The following RHBDD2 variants were observed in gnomAD, a reference collection of about 807,000 sequenced individuals.
RHBDD2 encodes the protein rhomboid domain-containing protein 2.
In RHBDD2, 13 loss-of-function variants were observed where a neutral mutation model predicts 21.7. That is an observed-to-expected ratio of 0.60 (90% CI 0.39 to 0.95). The LOEUF (loss-of-function observed/expected upper bound fraction) is 0.95. Ranked by LOEUF, RHBDD2 falls within the 40% of genes least tolerant of loss-of-function variation. The pLI is 0.00. For missense variants in RHBDD2, 473 were observed against 478.9 expected (o/e 0.99, Z 0.11); for synonymous variants, 225 against 220.0 (o/e 1.02, Z -0.20).
chr7:75,881,445 C>A (rs969046535), intron 1 of RHBDD2: 2 of 1,297,740 alleles, frequency 1.5e-6, no homozygotes, highest in South Asian at 2.5e-5. Context: ...CAATCCACCC[C>A]GAAGCTGTTA....
At chr7:75,881,375 A>AGG in intron 1 of RHBDD2, 3 of 1,291,906 alleles carry the variant, frequency 2.3e-6, no homozygotes, top group Non-Finnish European at 2.0e-6. Flanking sequence ...CCACTATGGA[A>AGG]GGAGGGGTCA....
chr7:75,879,205 GC>G lies in RHBDD2; in HGVS notation c.127del (p.Leu43TrpfsTer8). 1 of 1,521,036 alleles carries G rather than the reference GC, an allele frequency of 6.6e-7. No homozygotes were observed. The highest frequency in any genetic ancestry group is 8.8e-7 in the Non-Finnish European group (1 of 1,132,866). 94.2% of individuals were successfully genotyped at this position (1,521,036 alleles called of 1,614,324 possible). The stretch of plus-strand genomic sequence containing the variant: ...GGCCTCGCCTGTTCCTGCTGCAGCA[GC>G]CCCTGGCGCCCTCGGGCCTCACGCT... ...SGPRLFLLQQ[P>X]LAPSGLTLKS... On this transcript the variant is annotated frameshift_variant, in exon 1 of 4. Transcript: ENST00000006777. LOFTEE classifies it high-confidence loss of function.
intron 3 of RHBDD2, among the ~76,000 whole-genome samples, chr7:75,884,851 C>T (rs766515571): frequency 2.7e-4 from 41 of 152,140 alleles, no homozygotes; most frequent in Non-Finnish European, 5.4e-4. Context: ...CGATGGCTCA[C>T]GCCTGTAATC....
rs1471180985 is a variant in RHBDD2, at chr7:75,882,228, G to A, written c.578G>A (p.Gly193Glu). ...FLSNVCGLSI[G>E]LAYGLTYCYS... ...AGTAATGTCTGCGGGCTGTCCATCG[G>A]GCTGGCCTGTATCCTTCCTAGCAGA... Residue 193 changes from glycine to glutamate, a missense_variant, in exon 2 of 4, where the codon GGG (glycine) becomes GAG (glutamate). Gly to Glu is a moderately conservative substitution (Grantham distance 98). Transcript: ENST00000006777. The A allele has an allele frequency of 1.2e-6, 2 of 1,610,472 alleles. No homozygotes were observed. Among genetic ancestry groups the A allele is most frequent in the Non-Finnish European group, 1.7e-6 (2 of 1,177,924 alleles).
At chr7:75,883,552 C>T (rs1805457476) in intron 2 of RHBDD2, 146 bp from the exon 3 acceptor site, 3 of 678,618 alleles carry the variant, frequency 4.4e-6, no homozygotes, top group East Asian at 2.7e-5. Context: ...TCTGGGTTTC[C>T]CCTGAGCTGC....
At chr7:75,881,639 A>G (rs1805328821) in intron 1 of RHBDD2, 190 bp from the exon 2 acceptor site, 1 of 539,444 alleles carries the variant, frequency 1.9e-6, no homozygotes, top group African/African-American at 2.1e-5. Flanking sequence ...TTAGATATTC[A>G]TGCCTCTCCT....
chr7:75,883,881 C>G (rs1554543174), intron 3 of RHBDD2, 33 bp downstream of exon 3: 52 of 1,543,310 alleles, frequency 3.4e-5, no homozygotes, highest in Non-Finnish European at 4.4e-5. Context: ...GCTGTTAAAT[C>G]TTTTTTAAAA....
At chr7:75,886,720 A>G (rs567750129) in intron 3 of RHBDD2, among the ~76,000 whole-genome samples, 6 of 152,164 alleles carry the variant, frequency 3.9e-5, no homozygotes, top group Admixed American at 1.3e-4. Context: ...AGGCTGAGCC[A>G]GGAGAATGGT....
chr7:75,883,532 A>C, intron 2 of RHBDD2, 166 bp from the exon 3 acceptor site: 1 of 584,048 alleles, frequency 1.7e-6, no homozygotes, highest in African/African-American at 1.9e-5. Context: ...AAAAAAAACA[A>C]ACCTTTGGCT....
intron 1 of RHBDD2, 115 bp downstream of exon 1, chr7:75,879,375 G>A: frequency 9.7e-7 from 1 of 1,027,338 alleles, no homozygotes; most frequent in Non-Finnish European, 1.3e-6. Context: ...GTCTCCCCCT[G>A]TCTCGGTCCT....
At position 75,879,228 on chromosome 7, in the gene RHBDD2, C is replaced by A; in HGVS notation, c.146C>A (p.Thr49Lys). 2 of 1,522,272 alleles carry A rather than the reference C, an allele frequency of 1.3e-6. No individual in the cohort carries two copies. Among genetic ancestry groups the A allele is most frequent in the Non-Finnish European group, 8.8e-7 (1 of 1,133,858 alleles). 94.3% of individuals were successfully genotyped at this position (1,522,272 alleles called of 1,614,324 possible). A position where few individuals can be genotyped will look rare whatever the true frequency, so the allele number is the denominator to read the frequency against. Residue 49 changes from threonine (T) to lysine (K), a missense_variant, in exon 1 of 4, where the codon ACG becomes AAG. Physicochemically the swap from Thr to Lys is moderately conservative, Grantham distance 78. Coordinates refer to ENST00000006777, the MANE Select transcript of RHBDD2 (RefSeq NM_001040456.3). ...LQQPLAPSGL[T>K]LKSEALRNWQ... ...CAGCCCCTGGCGCCCTCGGGCCTCA[C>A]GCTGAAGTCCGAGGCCCTTCGCAAC...
Position 75,883,777 on chromosome 7 carries a change from G to C in RHBDD2, c.666G>C (p.Leu222=). The C allele has an allele frequency of 6.2e-7, 1 of 1,613,964 alleles. No individual in the cohort carries two copies. The highest frequency in any genetic ancestry group is 8.5e-7 in the Non-Finnish European group (1 of 1,179,934). Residue 222 remains leucine (L), a synonymous_variant, in exon 3 of 4, where the codon CTG becomes CTC. Transcript: ENST00000006777. ...TCGATCAGACCTTCCCCTTCAGCCT[G>C]ATGAGGAGGATATCCGTGTTCAAGT... is the stretch of plus-strand genomic sequence containing the variant. ...LKLDQTFPFS[L]MRRISVFKYV...
At chr7:75,885,063 G>C (rs147785193) in intron 3 of RHBDD2, among the ~76,000 whole-genome samples, 1 of 143,174 alleles carries the variant, frequency 7.0e-6, no homozygotes, top group Non-Finnish European at 1.5e-5. Context: ...GCAGTGCACC[G>C]AGATCACACC....
Position 75,882,232 on chromosome 7 carries a change from G to A in RHBDD2, c.582G>A (p.Leu194=). 1 of 1,608,710 alleles carries A rather than the reference G, an allele frequency of 6.2e-7. No homozygotes were observed. Among genetic ancestry groups the A allele is most frequent in the South Asian group, 1.1e-5 (1 of 90,314 alleles). The part of the protein sequence containing the change: ...LSNVCGLSIG[L]AYGLTYCYSI... ...ATGTCTGCGGGCTGTCCATCGGGCT[G>A]GCCTGTATCCTTCCTAGCAGAGAGC... Residue 194 remains leucine, a synonymous_variant, in exon 2 of 4, where the codon CTG becomes CTA. Coordinates refer to ENST00000006777, the MANE Select transcript of RHBDD2 (RefSeq NM_001040456.3).
intron 3 of RHBDD2, among the ~76,000 whole-genome samples, chr7:75,884,222 T>A (rs1805514604): frequency 6.6e-6 from 1 of 152,084 alleles, no homozygotes; most frequent in South Asian, 2.1e-4. Context: ...TCTGTTTTTT[T>A]ATTCTTTTTT....
chr7:75,886,581 G>C (rs768311547), intron 3 of RHBDD2, among the ~76,000 whole-genome samples: 2 of 152,150 alleles, frequency 1.3e-5, no homozygotes, highest in Non-Finnish European at 2.9e-5. Context: ...TTGGGAGGCT[G>C]ATGCGGGTGG....
chr7:75,885,890 G>A (rs1180669237), intron 3 of RHBDD2, among the ~76,000 whole-genome samples: 4 of 151,840 alleles, frequency 2.6e-5, no homozygotes, highest in African/African-American at 9.7e-5. Context: ...TTTTTGAAAT[G>A]GAGTCTCACT....
At position 75,879,086 on chromosome 7, in the gene RHBDD2, G is replaced by A; in HGVS notation, c.4G>A (p.Ala2Thr). Residue 2 changes from alanine to threonine, a missense_variant, in exon 1 of 4, where the codon GCG becomes ACG. Ala to Thr is a moderately conservative substitution (Grantham distance 58). Coordinates refer to ENST00000006777, the MANE Select transcript of RHBDD2 (RefSeq NM_001040456.3). Reference protein sequence around the residue: MAASGPGCRSWC... With the variant: MTASGPGCRSWC... ...GGGCGCGGGAACGACGGCGGCCATG[G>A]CGGCCTCGGGGCCCGGGTGTCGCAG... The A allele has an allele frequency of 2.9e-6, 4 of 1,361,350 alleles. No homozygotes were observed. The highest frequency in any genetic ancestry group is 2.9e-6 in the Non-Finnish European group (3 of 1,050,714). 84.3% of individuals were successfully genotyped at this position (1,361,350 alleles called of 1,614,324 possible).
At chr7:75,887,205 A>G (rs1416285637) in intron 3 of RHBDD2, among the ~76,000 whole-genome samples, 3 of 136,606 alleles carry the variant, frequency 2.2e-5, no homozygotes, top group Admixed American at 7.8e-5. Context: ...TGGCACAGTC[A>G]TAACTCACTG....
Sources: allele counts gnomAD v4.1 joint callset (sites outside exome capture counted in the v4.1 genomes callset), GRCh38; gene constraint gnomAD v4.1.1; transcripts MANE v1.5; gene names NCBI Gene and HGNC (gene_info 2026-07-23, HGNC 2026-07-21).